RFPL4B: variants seen among roughly 807,000 people sequenced by gnomAD.
RFPL4B encodes ret finger protein like 4B, also known as ret finger protein-like 4B.
For missense variants in RFPL4B, 314 were observed against 327.7 expected, an observed-to-expected ratio of 0.96 and a Z score of 0.32; for synonymous variants, 118 against 126.3, an observed-to-expected ratio of 0.93 and a Z score of 0.44.
rs998679356 is a variant in RFPL4B, at chr6:112,351,061, C to T, written c.*561C>T. On this transcript the variant is annotated 3_prime_UTR_variant, in exon 3 of 3. Transcript: ENST00000441065. ...ATTTTTATTTTCTTTGAAACACAGCCACATAAGTTTTCTTGAAAGACAAAG... is the reference window on the plus strand; with the variant it reads ...ATTTTTATTTTCTTTGAAACACAGCTACATAAGTTTTCTTGAAAGACAAAG... The T allele has an allele frequency of 1.2e-5, 2 of 166,930 alleles. No individual in the cohort carries two copies. The highest frequency in any genetic ancestry group is 4.8e-5 in the African/African-American group (2 of 41,406). 10.3% of individuals were successfully genotyped at this position (166,930 alleles called of 1,614,324 possible). A position where few individuals can be genotyped will look rare whatever the true frequency, so the allele number is the denominator to read the frequency against.
chr6:112,349,847 G>A lies in RFPL4B; in HGVS notation c.139G>A (p.Ala47Thr), dbSNP rs1025156021. Residue 47 changes from alanine (A) to threonine (T), a missense_variant, in exon 3 of 3, where the codon GCG becomes ACG. Ala to Thr is a moderately conservative substitution (Grantham distance 58). Transcript: ENST00000441065. ...TATACTAGAAAACCATGATTTTAGAGCGATGTGCCCCTTGTGTCGAGACGT... is the reference window on the plus strand; with the variant it reads ...TATACTAGAAAACCATGATTTTAGAACGATGTGCCCCTTGTGTCGAGACGT... The part of the protein sequence containing the change: ...RYILENHDFR[A>T]MCPLCRDVVK... The A allele has an allele frequency of 1.9e-6, 3 of 1,614,164 alleles. No individual in the cohort carries two copies. The highest frequency in any genetic ancestry group is 2.7e-5 in the African/African-American group (2 of 75,024).
Position 112,350,755 on chromosome 6 carries a change from G to T in RFPL4B, c.*255G>T, listed in dbSNP as rs1285969798. 2.6e-6 allele frequency: 1 copy of T among 388,610 alleles called. No individual in the cohort carries two copies. Among genetic ancestry groups the T allele is most frequent in the African/African-American group, 2.0e-5 (1 of 48,804 alleles). 24.1% of individuals were successfully genotyped at this position (388,610 alleles called of 1,614,324 possible). A position where few individuals can be genotyped will look rare whatever the true frequency, so the allele number is the denominator to read the frequency against. ...AGCTTCAGTTTTCTAGTCTGTAGAT[G>T]CGGATAATTGTATCTCAGTCAAACA... is the stretch of plus-strand genomic sequence containing the variant. On this transcript the variant is annotated 3_prime_UTR_variant, in exon 3 of 3. Transcript: ENST00000441065.
In RFPL4B at chr6:112,349,988, C is replaced by A; in HGVS notation, c.280C>A (p.Arg94=). 6.2e-7 allele frequency: 1 copy of A among 1,614,200 alleles called. No homozygotes were observed. The highest frequency in any genetic ancestry group is 8.5e-7 in the Non-Finnish European group (1 of 1,180,024). ...CGTGAGGGAGGAGCTCCGGCATTTT[C>A]GGGAGGATGTGACCCTGGATGCAGC... The part of the protein sequence containing the change: ...LHVREELRHF[R]EDVTLDAATA... The change falls in exon 3 of 3, where the codon CGG becomes AGG. Residue 94 remains arginine (R), a synonymous_variant. Coordinates refer to ENST00000441065, the MANE Select transcript of RFPL4B (RefSeq NM_001013734.3).
In RFPL4B at chr6:112,350,109, G is replaced by T; in HGVS notation, c.401G>T (p.Cys134Phe). ...HDLTKDPRLA[C>F]VLGTPCFSSG... The stretch of plus-strand genomic sequence containing the variant: ...CTGACAAAAGATCCCAGGCTGGCCT[G>T]TGTCCTGGGTACTCCCTGCTTCTCC... The change falls in exon 3 of 3, where the codon TGT becomes TTT. Residue 134 changes from cysteine to phenylalanine, a missense_variant. By Grantham distance (205) the Cys-to-Phe change is radical (BLOSUM62 -2). Coordinates refer to ENST00000441065, the MANE Select transcript of RFPL4B (RefSeq NM_001013734.3). 2.5e-6 allele frequency: 4 copies of T among 1,614,236 alleles called. No individual in the cohort carries two copies. Among genetic ancestry groups the T allele is most frequent in the Non-Finnish European group, 3.4e-6 (4 of 1,180,046 alleles).
Position 112,350,333 on chromosome 6 carries a change from A to C in RFPL4B, c.625A>C (p.Ile209Leu). 1 of 1,614,208 alleles carries C rather than the reference A, an allele frequency of 6.2e-7. No individual in the cohort carries two copies. The highest frequency in any genetic ancestry group is 8.5e-7 in the Non-Finnish European group (1 of 1,180,034). Reference protein sequence around the residue: ...PASPRLRRVGIFLDADLEEIQ... With the variant: ...PASPRLRRVGLFLDADLEEIQ... ...AAGCCCTCGCCTTCGCCGTGTGGGA[A>C]TTTTCCTGGATGCTGACTTAGAAGA... The change falls in exon 3 of 3, where the codon ATT becomes CTT. Residue 209 changes from isoleucine (I) to leucine (L), a missense_variant. Coordinates refer to ENST00000441065, the MANE Select transcript of RFPL4B (RefSeq NM_001013734.3).
In RFPL4B at chr6:112,349,963, C is replaced by T. The variant is rs375633234; in HGVS notation, c.255C>T (p.His85=). 15 of 1,614,078 alleles carry T rather than the reference C, an allele frequency of 9.3e-6. No homozygotes were observed. The highest frequency in any genetic ancestry group is 1.6e-4 in the Middle Eastern group (1 of 6,084). ...ATAGCCGACTTGAGCAAAGTCTGCA[C>T]GTGAGGGAGGAGCTCCGGCATTTTC... ...QHNSRLEQSL[H]VREELRHFRE... Residue 85 remains histidine, a synonymous_variant, in exon 3 of 3, where the codon CAC becomes CAT. Transcript: ENST00000441065.
intron 1 of RFPL4B, among the ~76,000 whole-genome samples, chr6:112,348,345 T>TG (rs946988785): frequency 6.6e-6 from 1 of 152,218 alleles, no homozygotes; most frequent in African/African-American, 2.4e-5. Flanking sequence ...AAGTTTTATG[T>TG]GGGCAGATAC....
At position 112,350,422 on chromosome 6, in the gene RFPL4B, G is replaced by T. The variant is rs1274165654; in HGVS notation, c.714G>T (p.Leu238Phe). 1.2e-6 allele frequency: 2 copies of T among 1,613,454 alleles called. No homozygotes were observed. Among genetic ancestry groups the T allele is most frequent in the African/African-American group, 2.7e-5 (2 of 74,896 alleles). The change falls in exon 3 of 3, where the codon TTG becomes TTT. Residue 238 changes from leucine to phenylalanine, a missense_variant. Coordinates refer to ENST00000441065, the MANE Select transcript of RFPL4B (RefSeq NM_001013734.3). Reference protein sequence around the residue: ...LIYTHDGFFSLELLCPFFCLE... With the variant: ...LIYTHDGFFSFELLCPFFCLE... ...ATACACATGATGGTTTCTTCTCTTT[G>T]GAGCTTTTGTGTCCATTCTTCTGTC...
rs771041121 is a variant in RFPL4B, at chr6:112,349,796, T to A, written c.88T>A (p.Phe30Ile). 3 of 1,614,176 alleles carry A rather than the reference T, an allele frequency of 1.9e-6. No individual in the cohort carries two copies. The South Asian group carries it at 3.3e-5, about 18-fold the overall frequency. Residue 30 changes from phenylalanine to isoleucine, a missense_variant, in exon 3 of 3, where the codon TTC becomes ATC. Phe to Ile is a conservative substitution (Grantham distance 21, BLOSUM62 0). Transcript: ENST00000441065. ...CSISLSCTHV[F>I]CFDCIQRYIL... is the part of the protein sequence containing the mutation. ...CATTTCTCTCTCTTGTACACACGTG[T>A]TCTGCTTTGATTGCATCCAGAGGTA...
Position 112,350,867 on chromosome 6 carries a change from T to C in RFPL4B, c.*367T>C, listed in dbSNP as rs760517425. 4 of 183,752 alleles carry C rather than the reference T, an allele frequency of 2.2e-5. No homozygotes were observed. Among genetic ancestry groups the C allele is most frequent in the Non-Finnish European group, 5.1e-5 (4 of 79,038 alleles). 11.4% of individuals were successfully genotyped at this position (183,752 alleles called of 1,614,324 possible). On this transcript the variant is annotated 3_prime_UTR_variant, in exon 3 of 3. Transcript: ENST00000441065. The stretch of plus-strand genomic sequence containing the variant: ...CTTAGATTGTAAGTAAGCTAGATAT[T>C]AGGTTTTGTGGATAGACAATATCTT...
In RFPL4B at chr6:112,350,806, T is replaced by C. The variant is rs1194517678; in HGVS notation, c.*306T>C. On this transcript the variant is annotated 3_prime_UTR_variant, in exon 3 of 3. Transcript: ENST00000441065. ...GCTGTGGTAATTAGAGACAATACTA[T>C]GCCTTTGTCTTATAGTAAATAACAA... The C allele has an allele frequency of 3.8e-6, 1 of 266,448 alleles. No individual in the cohort carries two copies. The highest frequency in any genetic ancestry group is 2.2e-5 in the African/African-American group (1 of 44,964). 16.5% of individuals were successfully genotyped at this position (266,448 alleles called of 1,614,324 possible). A position where few individuals can be genotyped will look rare whatever the true frequency, so the allele number is the denominator to read the frequency against.
In RFPL4B at chr6:112,349,802, T is replaced by C. The variant is rs1167380262; in HGVS notation, c.94T>C (p.Phe32Leu). The C allele has an allele frequency of 6.2e-7, 1 of 1,614,180 alleles. No individual in the cohort carries two copies. The highest frequency in any genetic ancestry group is 2.2e-5 in the East Asian group (1 of 44,882). ...TCTCTCTTGTACACACGTGTTCTGC[T>C]TTGATTGCATCCAGAGGTATATACT... ...ISLSCTHVFCFDCIQRYILEN... is the reference protein window; with the variant it reads ...ISLSCTHVFCLDCIQRYILEN... Residue 32 changes from phenylalanine (F) to leucine (L), a missense_variant, in exon 3 of 3, where the codon TTT becomes CTT. Coordinates refer to ENST00000441065, the MANE Select transcript of RFPL4B (RefSeq NM_001013734.3).
In RFPL4B at chr6:112,350,322, G is replaced by A. The variant is rs572347418; in HGVS notation, c.614G>A (p.Arg205His). The change falls in exon 3 of 3, where the codon CGC becomes CAC. Residue 205 changes from arginine (R) to histidine (H), a missense_variant. Transcript: ENST00000441065. ...AGAATTCCTGCAAGCCCTCGCCTTC[G>A]CCGTGTGGGAATTTTCCTGGATGCT... is the stretch of plus-strand genomic sequence containing the variant. ...LERIPASPRLRRVGIFLDADL... is the reference protein window; with the variant it reads ...LERIPASPRLHRVGIFLDADL... The A allele has an allele frequency of 1.4e-5, 22 of 1,614,218 alleles. No homozygotes were observed. In the East Asian group the frequency reaches 2.2e-4, roughly 16 times the overall value.
intron 1 of RFPL4B, among the ~76,000 whole-genome samples, chr6:112,348,666 GT>G (rs1789112833): frequency 6.6e-6 from 1 of 152,198 alleles, no homozygotes; most frequent in Non-Finnish European, 1.5e-5. Flanking sequence ...ACAGTCCTCT[GT>G]TCACATAATC....
In RFPL4B at chr6:112,350,356, A is replaced by AGAAATCCAGTTTTTT. The variant is rs759992201; in HGVS notation, c.651_665dup (p.Glu217_Phe221dup). Reference sequence around the variant, plus strand: ...GAATTTTCCTGGATGCTGACTTAGAAGAAATCCAGTTTTTTGATGTTGACA... The same window carrying AGAAATCCAGTTTTTT: ...GAATTTTCCTGGATGCTGACTTAGAAGAAATCCAGTTTTTTGAAATCCAGTTTTTTGATGTTGACA... On this transcript the variant is annotated inframe_insertion, in exon 3 of 3. Coordinates refer to ENST00000441065, the MANE Select transcript of RFPL4B (RefSeq NM_001013734.3). 1.2e-6 allele frequency: 2 copies of AGAAATCCAGTTTTTT among 1,614,136 alleles called. No individual in the cohort carries two copies. Among genetic ancestry groups the AGAAATCCAGTTTTTT allele is most frequent in the African/African-American group, 2.7e-5 (2 of 74,944 alleles).
In RFPL4B at chr6:112,350,171, G is replaced by T. The variant is rs781336397; in HGVS notation, c.463G>T (p.Val155Leu). 2 of 1,614,170 alleles carry T rather than the reference G, an allele frequency of 1.2e-6. No individual in the cohort carries two copies. Among genetic ancestry groups the T allele is most frequent in the Non-Finnish European group, 1.7e-6 (2 of 1,180,044 alleles). Residue 155 changes from valine to leucine, a missense_variant, in exon 3 of 3, where the codon GTG becomes TTG. Val to Leu is a conservative substitution (Grantham distance 32). Coordinates refer to ENST00000441065, the MANE Select transcript of RFPL4B (RefSeq NM_001013734.3). ...QHYWEVEVGE[V>L]KSWSLGVCKE... ...TTACTGGGAGGTTGAAGTGGGAGAG[G>T]TGAAGTCATGGTCCCTGGGCGTCTG...
rs779403575 is a variant in RFPL4B at position 112,350,324 on chromosome 6, C to T, written c.616C>T (p.Arg206Cys). 11 of 1,614,220 alleles carry T rather than the reference C, an allele frequency of 6.8e-6. No individual in the cohort carries two copies. Among genetic ancestry groups the T allele is most frequent in the Middle Eastern group, 1.6e-4 (1 of 6,062 alleles). The stretch of plus-strand genomic sequence containing the variant: ...AATTCCTGCAAGCCCTCGCCTTCGC[C>T]GTGTGGGAATTTTCCTGGATGCTGA... Reference protein sequence around the residue: ...ERIPASPRLRRVGIFLDADLE... With the variant: ...ERIPASPRLRCVGIFLDADLE... Residue 206 changes from arginine (R) to cysteine (C), a missense_variant, in exon 3 of 3, where the codon CGT becomes TGT. Arg to Cys is a radical substitution (Grantham distance 180). Transcript: ENST00000441065.
intron 1 of RFPL4B, among the ~76,000 whole-genome samples, chr6:112,348,940 C>T (rs577862783): frequency 6.6e-6 from 1 of 152,322 alleles, no homozygotes; most frequent in African/African-American, 2.4e-5. Flanking sequence ...TTTTTATTCA[C>T]ATTAATTCAA....
chr6:112,347,388 C>T lies in RFPL4B; in HGVS notation c.-254C>T, dbSNP rs1452375275. 1.3e-5 allele frequency: 2 copies of T among 152,246 alleles called. No individual in the cohort carries two copies. The highest frequency in any genetic ancestry group is 2.9e-5 in the Non-Finnish European group (2 of 68,054). The allele number at this position is 152,246 out of a possible 1,614,324, so 9.4% of individuals were successfully genotyped here. A position where few individuals can be genotyped will look rare whatever the true frequency, so the allele number is the denominator to read the frequency against. ...AGGCTTCGGATCTTTTAGAATTCTG[C>T]TGGAAGTCTCCAAGTCAAGGTAAGT... On this transcript the variant is annotated 5_prime_UTR_variant, in exon 1 of 3. Transcript: ENST00000441065.
Sources: gnomAD v4.1 joint callset for allele counts (sites outside exome capture counted in the v4.1 genomes callset) on GRCh38, gnomAD v4.1.1 for gene constraint, MANE v1.5 for transcripts, NCBI Gene and HGNC (gene_info 2026-07-23, HGNC 2026-07-21) for gene names.